Variants in KCNG4 observed in about 807,000 individuals in gnomAD.
KCNG4 encodes potassium voltage-gated channel modifier subfamily G member 4, also known as voltage-gated potassium channel regulatory subunit KCNG4.
KCNG4 carries 30 observed loss-of-function variants against 28.2 expected under a neutral mutation model. That is an observed-to-expected ratio of 1.06 (90% CI 0.80 to 1.44). The LOEUF is 1.44. Ranked by LOEUF, KCNG4 falls within the 40% of genes most tolerant of loss-of-function variation. KCNG4 has a pLI of 0.00. For synonymous variants in KCNG4, 375 were observed against 315.5 expected (o/e 1.19, Z -2.00); for missense variants, 879 against 712.3 (o/e 1.23, Z -2.66).
At chr16:84,230,276 G>T (rs1052321967) in intron 2 of KCNG4, among the ~76,000 whole-genome samples, 14 of 152,070 alleles carry the variant, frequency 9.2e-5, no homozygotes, top group Admixed American at 9.2e-4. Flanking sequence ...ATGGTGGTGG[G>T]CGCCTGTAGT....
Position 84,226,321 on chromosome 16 carries a change from A to G in KCNG4, c.757-3301T>C, listed in dbSNP as rs1904696574. ...ACAGGCAGCCTCATCTAGGGTGCACAAAGTGATCAGAACAGTGGCTGCCTC... is the reference window on the plus strand; with the variant it reads ...ACAGGCAGCCTCATCTAGGGTGCACGAAGTGATCAGAACAGTGGCTGCCTC... On this transcript the variant is annotated intron_variant, in intron 2 of 2. Transcript: ENST00000308251. This position sits in a 1 kb window ranked among gnomAD's most constrained non-coding sequence, Gnocchi z 4.1. Among the ~76,000 whole-genome samples the G allele has an allele frequency of 1.3e-5, 2 of 152,222 alleles. No individual in the cohort carries two copies. The highest frequency in any genetic ancestry group is 4.8e-5 in the African/African-American group (2 of 41,450).
rs1168498560 is a variant in KCNG4 at position 84,226,002 on chromosome 16, GA to G, written c.757-2983del. Among the ~76,000 whole-genome samples, 1 of 152,116 alleles carries G rather than the reference GA, an allele frequency of 6.6e-6. No homozygotes were observed. The highest frequency in any genetic ancestry group is 1.9e-4 in the East Asian group (1 of 5,200). ...AAGAAAAAAAGGGGAAAGAAGGAAA[GA>G]AAAAAGTTTTCCTTTCTCCCTTTGT... On this transcript the variant is annotated intron_variant, in intron 2 of 2. Transcript: ENST00000308251. This position sits in a 1 kb window ranked among gnomAD's most constrained non-coding sequence, Gnocchi z 4.1.
chr16:84,222,896 G>C lies in KCNG4; in HGVS notation c.881C>G (p.Pro294Arg), dbSNP rs185484951. Residue 294 changes from proline to arginine, a missense_variant, in exon 3 of 3, where the codon CCC becomes CGC. Pro to Arg is a moderately radical substitution (Grantham distance 103). Transcript: ENST00000308251. ...GGCCAGGATGTCGATGATGTTCAGGGGCCCCTGGAAGAACTGACACTTGTC... is the reference window on the plus strand; with the variant it reads ...GGCCAGGATGTCGATGATGTTCAGGCGCCCCTGGAAGAACTGACACTTGTC... ...AQDKCQFFQG[P>R]LNIIDILAIS... 13 of 1,611,772 alleles carry C rather than the reference G, an allele frequency of 8.1e-6. No homozygotes were observed. The South Asian group carries it at 1.3e-4, about 16-fold the overall frequency.
chr16:84,223,872 A>C (rs1350341492), intron 2 of KCNG4, among the ~76,000 whole-genome samples: 1 of 152,114 alleles, frequency 6.6e-6, no homozygotes, highest in African/African-American at 2.4e-5. Context: ...TGATGGCTTG[A>C]AGGCTGGTGG....
Position 84,222,246 on chromosome 16 carries a change from C to T in KCNG4, c.1531G>A (p.Gly511Ser). 1 of 1,614,136 alleles carries T rather than the reference C, an allele frequency of 6.2e-7. No individual in the cohort carries two copies. Among genetic ancestry groups the T allele is most frequent in the South Asian group, 1.1e-5 (1 of 91,068 alleles). ...MNDVNDLILE[G>S]PALPIMHM is the part of the protein sequence containing the mutation. The stretch of plus-strand genomic sequence containing the variant: ...ATGTGCATGATAGGCAAGGCTGGGC[C>T]CTCCAGGATTAGGTCATTGACATCG... Residue 511 changes from glycine to serine, a missense_variant, in exon 3 of 3, where the codon GGC (glycine) becomes AGC (serine). Transcript: ENST00000308251.
rs147112984 is a variant in KCNG4, at chr16:84,231,797, A to G, written c.756+4933T>C. The stretch of plus-strand genomic sequence containing the variant: ...GGAGGGCGGATCACCTGAGGTCAGG[A>G]GTTCGAGACCAGACTGGGCAAAATG... On this transcript the variant is annotated intron_variant, in intron 2 of 2. Coordinates refer to ENST00000308251, the MANE Select transcript of KCNG4 (RefSeq NM_172347.3). Among the ~76,000 whole-genome samples, 169 of 152,242 alleles carry G rather than the reference A, an allele frequency of 1.1e-3. 2 individuals are homozygous for G. The East Asian group carries it at 0.03, about 27-fold the overall frequency.
chr16:84,223,137 A>C, intron 2 of KCNG4, 117 bp from the exon 3 acceptor site: 1 of 783,568 alleles, frequency 1.3e-6, no homozygotes, highest in Non-Finnish European at 2.0e-6. Flanking sequence ...GTCCACCAGA[A>C]CCTCCTTTTA....
chr16:84,219,217 G>A lies in KCNG4; in HGVS notation c.*3000C>T, dbSNP rs749613275. 1 of 152,258 alleles carries A rather than the reference G, an allele frequency of 6.6e-6. No homozygotes were observed. The highest frequency in any genetic ancestry group is 2.4e-5 in the African/African-American group (1 of 41,446). The allele number at this position is 152,258 out of a possible 1,614,324, so 9.4% of individuals were successfully genotyped here. Reference sequence around the variant, plus strand: ...TTGCTGCTGGTCTTCTTCATCCGCAGGACAGTCCCTGAGCTTGCTTTGTGG... The same window carrying A: ...TTGCTGCTGGTCTTCTTCATCCGCAAGACAGTCCCTGAGCTTGCTTTGTGG... On this transcript the variant is annotated 3_prime_UTR_variant, in exon 3 of 3. Coordinates refer to ENST00000308251, the MANE Select transcript of KCNG4 (RefSeq NM_172347.3).
In KCNG4 at chr16:84,220,441, C is replaced by G. The variant is rs1460787115; in HGVS notation, c.*1776G>C. ...GTGCAGGGTGCTTCCTGGGCCAGAG[C>G]CCTCTGCCACGCTGCTGTCTGGCAT... On this transcript the variant is annotated 3_prime_UTR_variant, in exon 3 of 3. Coordinates refer to ENST00000308251, the MANE Select transcript of KCNG4 (RefSeq NM_172347.3). The G allele has an allele frequency of 6.6e-6, 1 of 152,272 alleles. No homozygotes were observed. Among genetic ancestry groups the G allele is most frequent in the African/African-American group, 2.4e-5 (1 of 41,472 alleles). 9.4% of individuals were successfully genotyped at this position (152,272 alleles called of 1,614,324 possible).
chr16:84,230,731 A>G (rs1330936749), intron 2 of KCNG4, among the ~76,000 whole-genome samples: 1 of 152,240 alleles, frequency 6.6e-6, no homozygotes, highest in Non-Finnish European at 1.5e-5. Flanking sequence ...CTGCAGAGAC[A>G]TCACCAAGGG....
intron 2 of KCNG4, 182 bp downstream of exon 2, chr16:84,236,548 A>G (rs577593146): frequency 1.2e-6 from 1 of 869,176 alleles, no homozygotes; most frequent in South Asian, 2.0e-5. Flanking sequence ...AATAAAAAAA[A>G]AAAAGATGGA....
Position 84,237,426 on chromosome 16 carries a change from G to A in KCNG4, c.60C>T (p.His20=). ...TGGACAGGAGCTGACTCCAAGGGCT[G>A]TGGGAACCATAGTGGTGGTGTCTGG... is the stretch of plus-strand genomic sequence containing the variant. ...LHPRHHHYGS[H]SPWSQLLSSP... Residue 20 remains histidine (H), a synonymous_variant, in exon 2 of 3, where the codon CAC becomes CAT. Transcript: ENST00000308251. 6.6e-7 allele frequency: 1 copy of A among 1,516,478 alleles called. No homozygotes were observed. Among genetic ancestry groups the A allele is most frequent in the Non-Finnish European group, 8.8e-7 (1 of 1,133,648 alleles). The allele number at this position is 1,516,478 out of a possible 1,614,324, so 93.9% of individuals were successfully genotyped here.
chr16:84,239,981 G>T lies in KCNG4; in HGVS notation c.-352C>A, dbSNP rs1190373835. ...CCTTATGAGAGATGAGGGTCTGGGG[G>T]TTCTTGCTGGGAGGGAGCCAGGGCA... On this transcript the variant is annotated 5_prime_UTR_variant, in exon 1 of 3. Transcript: ENST00000308251. 6.6e-6 allele frequency among the ~76,000 whole-genome samples: 1 copy of T among 151,806 alleles called. No individual in the cohort carries two copies. The highest frequency in any genetic ancestry group is 1.9e-4 in the East Asian group (1 of 5,162).
Position 84,222,986 on chromosome 16 carries a change from A to G in KCNG4, c.791T>C (p.Ile264Thr), listed in dbSNP as rs149868588. ...CCAGGCCACGCAGATGGTCTCCACG[A>G]TGAAAATATAGTAGCACTTCCGAGA... The part of the protein sequence containing the change: ...ECSRKCYYIF[I>T]VETICVAWFS... Residue 264 changes from isoleucine to threonine, a missense_variant, in exon 3 of 3, where the codon ATC becomes ACC. Transcript: ENST00000308251. 1.1e-4 allele frequency: 163 copies of G among 1,543,588 alleles called. No homozygotes were observed. In the East Asian group the frequency reaches 3.7e-3, roughly 35 times the overall value.
At chr16:84,236,624 T>C in intron 2 of KCNG4, 106 bp downstream of exon 2, 1 of 1,151,690 alleles carries the variant, frequency 8.7e-7, no homozygotes, top group African/African-American at 1.6e-5. Flanking sequence ...ATTCATTTTT[T>C]TCTTCTTATT....
In KCNG4 at chr16:84,238,816, C is replaced by T. The variant is rs1991054; in HGVS notation, c.-41+854G>A. Among the ~76,000 whole-genome samples the T allele has an allele frequency of 4.1e-4, 62 of 151,996 alleles. 1 individual carries two copies. In the South Asian group the frequency reaches 0.013, roughly 32 times the overall value. ...CCGGGAGGCGGAGGCTGCAGTAAGC[C>T]GAGATTGCGCCATTGCACTCCAGCC... On this transcript the variant is annotated intron_variant, in intron 1 of 2. Coordinates refer to ENST00000308251, the MANE Select transcript of KCNG4 (RefSeq NM_172347.3).
At chr16:84,228,573 C>T (rs1478033380) in intron 2 of KCNG4, among the ~76,000 whole-genome samples, 3 of 152,138 alleles carry the variant, frequency 2.0e-5, no homozygotes, top group South Asian at 4.1e-4. Flanking sequence ...CTACTCACCC[C>T]GAGCCGCAAT....
chr16:84,238,551 T>G (rs371685399), intron 1 of KCNG4, among the ~76,000 whole-genome samples: 2 of 152,110 alleles, frequency 1.3e-5, no homozygotes, highest in Admixed American at 6.6e-5. Context: ...TTACTCCCCC[T>G]CTCTGGGCCC....
At chr16:84,232,179 G>A (rs528664833) in intron 2 of KCNG4, among the ~76,000 whole-genome samples, 11 of 152,228 alleles carry the variant, frequency 7.2e-5, no homozygotes, top group Non-Finnish European at 1.3e-4. Flanking sequence ...TATCAACATG[G>A]AGCAGGCCAT....
Sources: allele counts gnomAD v4.1 joint callset (sites outside exome capture counted in the v4.1 genomes callset), GRCh38; gene constraint gnomAD v4.1.1; non-coding constraint Gnocchi (gnomAD v3.1); transcripts MANE v1.5; gene names NCBI Gene and HGNC (gene_info 2026-07-23, HGNC 2026-07-21).